EIF2D: variants seen among roughly 807,000 people sequenced by gnomAD.
The protein encoded by EIF2D is eukaryotic translation initiation factor 2D.
Under a neutral mutation model 77.4 loss-of-function variants are expected in EIF2D, and 56 were observed. The ratio of observed to expected loss-of-function variants is 0.72; its 90% CI spans 0.58 to 0.90. The LOEUF is 0.90. Ranked by LOEUF, EIF2D falls within the 40% of genes least tolerant of loss-of-function variation. EIF2D has a pLI of 0.00. For synonymous variants in EIF2D, 230 were observed against 271.0 expected (o/e 0.85, Z 1.49); for missense variants, 574 against 706.5 (o/e 0.81, Z 2.13).
Position 206,597,155 on chromosome 1 carries a change from C to CT in EIF2D, c.1332dup (p.Glu445ArgfsTer4). The CT allele has an allele frequency of 6.2e-7, 1 of 1,614,000 alleles. No homozygotes were observed. The highest frequency in any genetic ancestry group is 8.5e-7 in the Non-Finnish European group (1 of 1,179,958). ...ATGACTGTATGCTGTTCATTTTTCT[C>CT]TAAGATGCAGTCACATAGGATGGGA... On this transcript the variant is annotated frameshift_variant, in exon 12 of 15. Coordinates refer to ENST00000271764, the MANE Select transcript of EIF2D (RefSeq NM_006893.3). LOFTEE classifies it high-confidence loss of function.
chr1:206,590,935 G>A (rs1263711439), downstream of EIF2D, among the ~76,000 whole-genome samples: 4 of 152,182 alleles, frequency 2.6e-5, no homozygotes, highest in Non-Finnish European at 4.4e-5. Context: ...AGGGACCAGC[G>A]CAGTGGTTCT....
intron 14 of EIF2D, 113 bp downstream of exon 14, chr1:206,593,506 A>AGTGTGTGTGTGCGCGTGTGTGTGTGTGT (rs1286437460): frequency 2.4e-6 from 1 of 411,504 alleles, no homozygotes; most frequent in Non-Finnish European, 3.9e-6. Flanking sequence ...AGAGAGAGAG[A>AGTGTGTGTGTGCGCGTGTGTGTGTGTGT]GAGTGTGTGT....
At chr1:206,583,389 C>T (rs781884700) in intron 2 of EIF2D, 17 of 1,584,924 alleles carry the variant, frequency 1.1e-5, no homozygotes, top group Admixed American at 5.0e-5. Context: ...GGTAAGCGCC[C>T]GTCCACCCTC....
At chr1:206,573,907 A>G (rs1668542221) in intron 4 of EIF2D, among the ~76,000 whole-genome samples, 1 of 152,266 alleles carries the variant, frequency 6.6e-6, no homozygotes, top group Non-Finnish European at 1.5e-5. Flanking sequence ...ACAGAAGACC[A>G]AGGGCATGGC....
intron 2 of EIF2D, chr1:206,583,641 T>C (rs1275570982): frequency 4.5e-6 from 2 of 448,218 alleles, no homozygotes; most frequent in East Asian, 8.8e-5. Context: ...AGCTTCAGTG[T>C]AAACTAAGTG....
chr1:206,586,746 G>A (rs1669131768), downstream of EIF2D: 1 of 1,072,772 alleles, frequency 9.3e-7, no homozygotes, highest in Non-Finnish European at 1.4e-6. Context: ...GGGGAAGGCA[G>A]CAGGGTCTCT....
chr1:206,600,106 A>G (rs1044789124), intron 8 of EIF2D, among the ~76,000 whole-genome samples, 157 bp downstream of exon 8: 5 of 152,192 alleles, frequency 3.3e-5, no homozygotes, highest in Non-Finnish European at 7.3e-5. Context: ...GCTTCAGCCC[A>G]GGGAGAGTTT....
At chr1:206,609,981 C>T (rs1670393545) in intron 2 of EIF2D, among the ~76,000 whole-genome samples, 1 of 151,910 alleles carries the variant, frequency 6.6e-6, no homozygotes, top group African/African-American at 2.4e-5. Flanking sequence ...GATGAAAAGC[C>T]CCAAGTTACA....
At position 206,599,517 on chromosome 1, in the gene EIF2D, G is replaced by A; in HGVS notation, c.1148C>T (p.Pro383Leu). 6.2e-7 allele frequency: 1 copy of A among 1,613,490 alleles called. No homozygotes were observed. The highest frequency in any genetic ancestry group is 8.5e-7 in the Non-Finnish European group (1 of 1,179,682). Reference protein sequence around the residue: ...EQPYHPPDIKPLYCVPASMTL... With the variant: ...EQPYHPPDIKLLYCVPASMTL... Reference sequence around the variant, plus strand: ...CATGCTGGCTGGGACACAGTAGAGGGGTTTTATATCTGGAGGGTGATAGGG... The same window carrying A: ...CATGCTGGCTGGGACACAGTAGAGGAGTTTTATATCTGGAGGGTGATAGGG... Residue 383 changes from proline (P) to leucine (L), a missense_variant, in exon 10 of 15, where the codon CCC becomes CTC. By Grantham distance (98) the Pro-to-Leu change is moderately conservative. Transcript: ENST00000271764. This position sits in a 1 kb window ranked among gnomAD's most constrained non-coding sequence, Gnocchi z 4.1.
At chr1:206,571,657 A>G (rs1668454952) in intron 5 of EIF2D, among the ~76,000 whole-genome samples, 1 of 152,322 alleles carries the variant, frequency 6.6e-6, no homozygotes, top group South Asian at 2.1e-4. Context: ...CTAATTCTAG[A>G]TAAGAGTGGG....
intron 12 of EIF2D, 68 bp from the exon 13 acceptor site, chr1:206,595,906 C>T: frequency 6.3e-7 from 1 of 1,586,620 alleles, no homozygotes; most frequent in Non-Finnish European, 8.6e-7. Context: ...ACCCCACTAC[C>T]AGCAGGCAGT....
intron 2 of EIF2D, 155 bp downstream of exon 2, chr1:206,611,029 T>C (rs1005320527): frequency 1.5e-6 from 1 of 668,908 alleles, no homozygotes; most frequent in African/African-American, 1.8e-5. Flanking sequence ...AAAGACCCAA[T>C]TCTAGGAACA....
At chr1:206,611,060 G>A in intron 2 of EIF2D, 124 bp downstream of exon 2, 2 of 875,144 alleles carry the variant, frequency 2.3e-6, no homozygotes, top group East Asian at 2.7e-5. Flanking sequence ...AAAGATCCTT[G>A]GGGATGGTAT....
chr1:206,570,077 CCTTTTTTTTT>C (rs1348010144), downstream of EIF2D, among the ~76,000 whole-genome samples: 1 of 106,964 alleles, frequency 9.3e-6, no homozygotes, highest in Non-Finnish European at 1.8e-5. Context: ...ATAAAATTTA[CCTTTTTTTTT>C]TTTTTTTTTT....
downstream of EIF2D, among the ~76,000 whole-genome samples, chr1:206,569,650 C>T (rs1024317944): frequency 6.6e-6 from 1 of 152,216 alleles, no homozygotes; most frequent in Non-Finnish European, 1.5e-5. Context: ...TTCCTCATGA[C>T]TTAGTTTGCT....
At chr1:206,598,702 T>C (rs1385543488) in intron 11 of EIF2D, among the ~76,000 whole-genome samples, 1 of 152,210 alleles carries the variant, frequency 6.6e-6, no homozygotes, top group African/African-American at 2.4e-5. Flanking sequence ...TATGATGACT[T>C]CAGTAAATTC....
chr1:206,606,994 A>T (rs1670231274), intron 4 of EIF2D, among the ~76,000 whole-genome samples: 1 of 152,220 alleles, frequency 6.6e-6, no homozygotes, highest in Non-Finnish European at 1.5e-5. Context: ...TACTCTGGAA[A>T]AATACTAGCA....
chr1:206,608,477 C>A, intron 3 of EIF2D, 151 bp from the exon 4 acceptor site: 1 of 651,576 alleles, frequency 1.5e-6, no homozygotes. Flanking sequence ...CAACTTCCAA[C>A]AAAAAAATAG....
Position 206,611,334 on chromosome 1 carries a change from G to C in EIF2D, c.97C>G (p.Leu33Val). The C allele has an allele frequency of 1.2e-6, 2 of 1,614,204 alleles. No individual in the cohort carries two copies. The highest frequency in any genetic ancestry group is 1.7e-6 in the Non-Finnish European group (2 of 1,180,038). ...RADVTTAFPT[L>V]GTDQVSELVP... is the part of the protein sequence containing the mutation. ...AACTCAGAGACTTGATCAGTTCCAA[G>C]GGTGGGGAAAGCAGTTGTCACATCA... The change falls in exon 2 of 15, where the codon CTT (leucine) becomes GTT (valine). Residue 33 changes from leucine to valine, a missense_variant. Coordinates refer to ENST00000271764, the MANE Select transcript of EIF2D (RefSeq NM_006893.3).
Sources: gnomAD v4.1 joint callset for allele counts (sites outside exome capture counted in the v4.1 genomes callset) on GRCh38, gnomAD v4.1.1 for gene constraint, Gnocchi (gnomAD v3.1) non-coding constraint, MANE v1.5 for transcripts, NCBI Gene and HGNC (gene_info 2026-07-23, HGNC 2026-07-21) for gene names.